The following AGMO variants were observed in gnomAD, a reference collection of about 807,000 sequenced individuals.
The protein encoded by AGMO is glyceryl-ether monooxygenase.
AGMO carries 75 observed loss-of-function variants against 60.2 expected under a neutral mutation model. The observed-to-expected ratio is 1.25, with a 90% CI of 1.03 to 1.51. AGMO has a LOEUF of 1.51. Ranked by LOEUF, AGMO falls within the 40% of genes most tolerant of loss-of-function variation. The probability of loss-of-function intolerance (pLI) is 0.00; values close to 1 mark genes in which losing one functional copy is unlikely to be tolerated. For missense variants in AGMO, 763 were observed against 525.5 expected (o/e 1.45, Z -4.42); for synonymous variants, 261 against 177.1 (o/e 1.47, Z -3.76).
chr7:15,143,388 C>T, the AGMO span, among the ~76,000 whole-genome samples: 1 of 152,122 alleles, frequency 6.6e-6, no homozygotes, highest in African/African-American at 2.4e-5. Context: ...TTTATCTACC[C>T]AATAGATATG....
At chr7:15,387,882 T>C (rs920857557) in intron 8 of AGMO, among the ~76,000 whole-genome samples, 3 of 149,110 alleles carry the variant, frequency 2.0e-5, no homozygotes, top group Non-Finnish European at 4.4e-5. Context: ...GCACTCAACA[T>C]CCCTCCCTAA....
At chr7:15,394,210 G>A (rs1392629035) in intron 5 of AGMO, 31 bp from the exon 6 acceptor site, 4 of 1,422,976 alleles carry the variant, frequency 2.8e-6, no homozygotes, top group African/African-American at 1.4e-5. Context: ...ATTTATACAT[G>A]TAGTTATCAT....
intron 12 of AGMO, among the ~76,000 whole-genome samples, chr7:15,211,519 T>C (rs1781590955): frequency 6.6e-6 from 1 of 151,988 alleles, no homozygotes; most frequent in African/African-American, 2.4e-5. Context: ...TTGGAGTATT[T>C]CTATTATGGA....
intron 12 of AGMO, among the ~76,000 whole-genome samples, chr7:15,333,967 A>G (rs1365512251): frequency 6.6e-6 from 1 of 152,134 alleles, no homozygotes; most frequent in Non-Finnish European, 1.5e-5. Context: ...TTACCATAGA[A>G]TACAAGTAAG....
At chr7:15,354,431 T>C (rs555715426) in intron 12 of AGMO, among the ~76,000 whole-genome samples, 3,293 of 26,050 alleles carry the variant, frequency 0.13, 441 homozygotes, top group African/African-American at 0.2. Context: ...TACACACACG[T>C]GTGTGTATAC....
intron 10 of AGMO, among the ~76,000 whole-genome samples, chr7:15,378,258 T>C (rs2128570155): frequency 6.6e-6 from 1 of 152,136 alleles, no homozygotes; most frequent in East Asian, 1.9e-4. Context: ...TTGTTTAAAA[T>C]TTGGGTTCCT....
At chr7:15,186,717 G>T in the AGMO span, among the ~76,000 whole-genome samples, 1 of 152,018 alleles carries the variant, frequency 6.6e-6, no homozygotes, top group Non-Finnish European at 1.5e-5. Context: ...TAAACTAAAG[G>T]TTAGGCAATT....
chr7:15,267,522 T>C (rs541492843), intron 12 of AGMO, among the ~76,000 whole-genome samples: 2 of 152,136 alleles, frequency 1.3e-5, no homozygotes, highest in Non-Finnish European at 2.9e-5. Flanking sequence ...ATTTTACTTA[T>C]GTTCACGACA....
At chr7:15,355,997 A>C (rs750269685) in intron 12 of AGMO, among the ~76,000 whole-genome samples, 5 of 152,226 alleles carry the variant, frequency 3.3e-5, no homozygotes, top group Non-Finnish European at 5.9e-5. Flanking sequence ...CTTCAATAGT[A>C]AACAGAAAAT....
intron 3 of AGMO, among the ~76,000 whole-genome samples, chr7:15,490,006 G>A (rs766920283): frequency 3.0e-4 from 45 of 152,236 alleles, no homozygotes; most frequent in African/African-American, 8.7e-4. Flanking sequence ...ATCCTTCTCC[G>A]TGCACATGGC....
Position 15,233,683 on chromosome 7 carries a change from T to A in AGMO, c.1264-32324A>T, listed in dbSNP as rs76143643. On this transcript the variant is annotated intron_variant, in intron 12 of 12. Coordinates refer to ENST00000342526, the MANE Select transcript of AGMO (RefSeq NM_001004320.2). ...AGGAGCAAAGCGATTAAAGCCCACA[T>A]AACACACATTGCTGCAGTATGTAGT... Among the ~76,000 whole-genome samples, 181 of 152,120 alleles carry A rather than the reference T, an allele frequency of 1.2e-3. 1 individual carries two copies. Among genetic ancestry groups the A allele is most frequent in the African/African-American group, 2.5e-3 (105 of 41,520 alleles).
intron 12 of AGMO, among the ~76,000 whole-genome samples, chr7:15,350,787 G>C (rs921049241): frequency 6.6e-6 from 1 of 152,130 alleles, no homozygotes; most frequent in African/African-American, 2.4e-5. Context: ...GTTAAAGGCT[G>C]TGTATAGTTT....
chr7:15,213,303 G>A (rs1284514769), intron 12 of AGMO, among the ~76,000 whole-genome samples: 2 of 151,426 alleles, frequency 1.3e-5, no homozygotes, highest in Non-Finnish European at 3.0e-5. Context: ...TCATCCTTTG[G>A]GTCACAAATA....
At chr7:15,497,380 T>C (rs555899715) in intron 3 of AGMO, among the ~76,000 whole-genome samples, 2 of 152,252 alleles carry the variant, frequency 1.3e-5, no homozygotes, top group South Asian at 2.1e-4. Flanking sequence ...ATAATAAAGA[T>C]ATCTTATTTC....
At chr7:15,226,980 G>A (rs1025500483) in intron 12 of AGMO, among the ~76,000 whole-genome samples, 1 of 152,008 alleles carries the variant, frequency 6.6e-6, no homozygotes, top group African/African-American at 2.4e-5. Flanking sequence ...ATTATGGTTA[G>A]GGAAGAATGT....
intron 12 of AGMO, among the ~76,000 whole-genome samples, chr7:15,287,186 A>G (rs2128520692): frequency 6.6e-6 from 1 of 152,326 alleles, no homozygotes; most frequent in African/African-American, 2.4e-5. Context: ...CAATTCATCC[A>G]TGTAATCAAA....
intron 8 of AGMO, among the ~76,000 whole-genome samples, chr7:15,387,896 C>T (rs533408150): frequency 1.8e-4 from 26 of 142,024 alleles, no homozygotes; most frequent in Non-Finnish European, 3.3e-4. Flanking sequence ...TCCCTAATGA[C>T]ACATTCTCTT....
intron 3 of AGMO, among the ~76,000 whole-genome samples, chr7:15,502,661 CA>C (rs1783417019): frequency 6.6e-6 from 1 of 151,986 alleles, no homozygotes; most frequent in Non-Finnish European, 1.5e-5. Context: ...AGGAAGACCT[CA>C]GTTTGGCAAC....
chr7:15,289,925 A>G (rs993346003), intron 12 of AGMO, among the ~76,000 whole-genome samples: 1 of 114,924 alleles, frequency 8.7e-6, no homozygotes, highest in African/African-American at 3.3e-5. Context: ...ATCCAAGAGT[A>G]TCATTTATTC....
Sources: allele counts gnomAD v4.1 joint callset (sites outside exome capture counted in the v4.1 genomes callset), GRCh38; gene constraint gnomAD v4.1.1; transcripts MANE v1.5; gene names NCBI Gene and HGNC (gene_info 2026-07-23, HGNC 2026-07-21).